Variants in RAP2A observed in about 807,000 individuals in gnomAD.
RAP2A encodes RAP2A, member of RAS oncogene family, also known as ras-related protein Rap-2a.
In RAP2A, 5 loss-of-function variants were observed where a neutral mutation model predicts 15.1. That is an observed-to-expected ratio of 0.33 (90% CI 0.17 to 0.70). The LOEUF (loss-of-function observed/expected upper bound fraction) is 0.70. Ranked by LOEUF, RAP2A falls within the 30% of genes least tolerant of loss-of-function variation. The probability of loss-of-function intolerance (pLI) is 0.68; values close to 1 mark genes in which losing one functional copy is unlikely to be tolerated. For missense variants in RAP2A, 111 were observed against 240.3 expected, an observed-to-expected ratio of 0.46 and a Z score of 3.56; for synonymous variants, 110 against 99.7, an observed-to-expected ratio of 1.10 and a Z score of -0.62.
intron 1 of RAP2A, 52 bp downstream of exon 1, chr13:97,434,836 C>A: frequency 6.3e-7 from 1 of 1,598,230 alleles, no homozygotes; most frequent in Non-Finnish European, 8.5e-7. Flanking sequence ...GTCACCGTCC[C>A]GGGGCTGGAA....
chr13:97,438,007 GACCAACTGA>G (rs1376442776), intron 1 of RAP2A, among the ~76,000 whole-genome samples: 1 of 152,172 alleles, frequency 6.6e-6, no homozygotes, highest in Non-Finnish European at 1.5e-5. Flanking sequence ...AAGCCAAGTG[GACCAACTGA>G]AAATGGCTAT....
rs2066777383 is a variant in RAP2A, at chr13:97,467,543, C to G, written c.*3101C>G. On this transcript the variant is annotated 3_prime_UTR_variant, in exon 2 of 2. Coordinates refer to ENST00000245304, the MANE Select transcript of RAP2A (RefSeq NM_021033.7). Reference sequence around the variant, plus strand: ...CAGTGTATGTATGAATATGAAAGTGCTTTGTTTTGTTTGTTGCTGTTTTTT... The same window carrying G: ...CAGTGTATGTATGAATATGAAAGTGGTTTGTTTTGTTTGTTGCTGTTTTTT... 6.6e-6 allele frequency: 1 copy of G among 152,434 alleles called. No individual in the cohort carries two copies. 9.4% of individuals were successfully genotyped at this position (152,434 alleles called of 1,614,324 possible). A position where few individuals can be genotyped will look rare whatever the true frequency, so the allele number is the denominator to read the frequency against.
chr13:97,464,683 C>T lies in RAP2A; in HGVS notation c.*241C>T, dbSNP rs145959416. ...TGCATCTGCAACTTTAAGGCATAGT[C>T]CATCGATCTACAGGGTGATCTCATT... On this transcript the variant is annotated 3_prime_UTR_variant, in exon 2 of 2. Coordinates refer to ENST00000245304, the MANE Select transcript of RAP2A (RefSeq NM_021033.7). The T allele has an allele frequency of 3.7e-6, 2 of 536,848 alleles. No individual in the cohort carries two copies. The highest frequency in any genetic ancestry group is 6.6e-6 in the Non-Finnish European group (2 of 301,064). 33.3% of individuals were successfully genotyped at this position (536,848 alleles called of 1,614,324 possible). A position where few individuals can be genotyped will look rare whatever the true frequency, so the allele number is the denominator to read the frequency against.
chr13:97,457,998 T>A (rs1233273948), intron 1 of RAP2A, among the ~76,000 whole-genome samples: 8 of 152,160 alleles, frequency 5.3e-5, no homozygotes, highest in Admixed American at 5.2e-4. Flanking sequence ...AAGTAAACTT[T>A]TAAACTGTGA....
At position 97,461,819 on chromosome 13, in the gene RAP2A, C is replaced by A. The variant is rs2066747033; in HGVS notation, c.315-2386C>A. Reference sequence around the variant, plus strand: ...TCTACTAAATATACAAAAAATTAGTCGGGCGTGGTGGTGGGCGCCTGTAGT... The same window carrying A: ...TCTACTAAATATACAAAAAATTAGTAGGGCGTGGTGGTGGGCGCCTGTAGT... On this transcript the variant is annotated intron_variant, in intron 1 of 1. Coordinates refer to ENST00000245304, the MANE Select transcript of RAP2A (RefSeq NM_021033.7). 2.0e-5 allele frequency among the ~76,000 whole-genome samples: 3 copies of A among 151,234 alleles called. No homozygotes were observed. The South Asian group carries it at 6.3e-4, about 32-fold the overall frequency.
Position 97,455,201 on chromosome 13 carries a change from G to A in RAP2A, c.315-9004G>A, listed in dbSNP as rs765948227. Among the ~76,000 whole-genome samples the A allele has an allele frequency of 4.6e-5, 7 of 151,214 alleles. 1 individual carries two copies. Among genetic ancestry groups the A allele is most frequent in the Admixed American group, 6.6e-5 (1 of 15,188 alleles). ...TTTGTCATGTACAGTCTTCTCATCC[G>A]TGAATGTTTTATCTCAGATATTACA... is the stretch of plus-strand genomic sequence containing the variant. On this transcript the variant is annotated intron_variant, in intron 1 of 1. Coordinates refer to ENST00000245304, the MANE Select transcript of RAP2A (RefSeq NM_021033.7).
chr13:97,440,085 G>A (rs924182377), intron 1 of RAP2A, among the ~76,000 whole-genome samples: 1 of 152,058 alleles, frequency 6.6e-6, no homozygotes, highest in Admixed American at 6.6e-5. Flanking sequence ...GAGCCGAAAC[G>A]AGAGTATACA....
In RAP2A at chr13:97,461,275, G is replaced by A. The variant is rs539616147; in HGVS notation, c.315-2930G>A. Among the ~76,000 whole-genome samples the A allele has an allele frequency of 3.3e-5, 5 of 152,254 alleles. No homozygotes were observed. The East Asian group carries it at 9.6e-4, about 29-fold the overall frequency. On this transcript the variant is annotated intron_variant, in intron 1 of 1. Coordinates refer to ENST00000245304, the MANE Select transcript of RAP2A (RefSeq NM_021033.7). ...TAACAGAGAGACAAAATTTATCACC[G>A]TCTGGTATTCTGAAATGTACATAAT...
rs986154945 is a variant in RAP2A at position 97,468,122 on chromosome 13, A to G, written c.*3680A>G. 2 of 152,348 alleles carry G rather than the reference A, an allele frequency of 1.3e-5. No individual in the cohort carries two copies. The highest frequency in any genetic ancestry group is 1.3e-4 in the Admixed American group (2 of 15,298). The allele number at this position is 152,348 out of a possible 1,614,324, so 9.4% of individuals were successfully genotyped here. ...ATTTTAGCTGATTTGAGAGTTCATC[A>G]TATAAAAAGGCAGGTAGGTAGATAA... On this transcript the variant is annotated 3_prime_UTR_variant, in exon 2 of 2. Coordinates refer to ENST00000245304, the MANE Select transcript of RAP2A (RefSeq NM_021033.7).
chr13:97,434,795 G>C lies in RAP2A; in HGVS notation c.314+11G>C. On this transcript the variant is annotated intron_variant, in intron 1 of 1. Transcript: ENST00000245304. ...CATCCGCGTGAAGCGGTGAGCGAGG[G>C]CACACGGGGGCTTGGCGGCTGCACC... is the stretch of plus-strand genomic sequence containing the variant. 1 of 1,613,006 alleles carries C rather than the reference G, an allele frequency of 6.2e-7. No individual in the cohort carries two copies. The highest frequency in any genetic ancestry group is 8.5e-7 in the Non-Finnish European group (1 of 1,179,484).
chr13:97,441,778 TA>T, intron 1 of RAP2A: 1 of 451,498 alleles, frequency 2.2e-6, no homozygotes, highest in Non-Finnish European at 4.4e-6. Flanking sequence ...GCCTATGTTG[TA>T]AAAAGAGTTT....
chr13:97,460,872 G>T (rs2066743638), intron 1 of RAP2A, among the ~76,000 whole-genome samples: 1 of 152,110 alleles, frequency 6.6e-6, no homozygotes. Context: ...CTGCTTTGTT[G>T]TTTTTGACTC....
rs748364942 is a variant in RAP2A at position 97,459,245 on chromosome 13, CAAATGATGAAAAGGGGGTAAGGAAG to C, written c.315-4942_315-4918del. Among the ~76,000 whole-genome samples the C allele has an allele frequency of 3.7e-4, 56 of 150,468 alleles. No individual in the cohort carries two copies. The East Asian group carries it at 6.5e-3, about 17-fold the overall frequency. ...AATTTTGCATCTTTAGCTTTATGTC[CAAATGATGAAAAGGGGGTAAGGAAG>C]AAATGATGAAAAGGGGGAAATGATG... is the stretch of plus-strand genomic sequence containing the variant. On this transcript the variant is annotated intron_variant, in intron 1 of 1. Transcript: ENST00000245304.
At chr13:97,443,805 G>A (rs940156688) in intron 1 of RAP2A, among the ~76,000 whole-genome samples, 6 of 152,096 alleles carry the variant, frequency 3.9e-5, no homozygotes, top group Admixed American at 2.0e-4. Flanking sequence ...TGAAGACAGC[G>A]AATGTTAATC....
chr13:97,461,971 A>AATAT (rs889537682), intron 1 of RAP2A, among the ~76,000 whole-genome samples: 85 of 142,052 alleles, frequency 6.0e-4, no homozygotes, highest in African/African-American at 2.0e-3. Context: ...TCAAAAAAAA[A>AATAT]ATATATATAT....
chr13:97,449,364 G>A (rs1476768293), intron 1 of RAP2A, among the ~76,000 whole-genome samples: 1 of 152,190 alleles, frequency 6.6e-6, no homozygotes, highest in Non-Finnish European at 1.5e-5. Context: ...TCTTAGGTAT[G>A]AGTTACTTTG....
At chr13:97,445,599 G>A (rs895184946) in intron 1 of RAP2A, among the ~76,000 whole-genome samples, 3 of 152,166 alleles carry the variant, frequency 2.0e-5, no homozygotes, top group Non-Finnish European at 4.4e-5. Flanking sequence ...GTTCTTGCTG[G>A]ATGGTCAACT....
At chr13:97,452,162 GGTTA>G (rs2066704641) in intron 1 of RAP2A, among the ~76,000 whole-genome samples, 1 of 150,978 alleles carries the variant, frequency 6.6e-6, no homozygotes, top group Admixed American at 6.6e-5. Context: ...TTCTTTTTAT[GGTTA>G]GTTCCTTTTT....
intron 1 of RAP2A, among the ~76,000 whole-genome samples, chr13:97,440,028 C>T (rs2066650481): frequency 6.6e-6 from 1 of 152,056 alleles, no homozygotes; most frequent in East Asian, 1.9e-4. Context: ...AAGCATATTA[C>T]CAATTGTTAC....
Sources: gnomAD v4.1 joint callset for allele counts (sites outside exome capture counted in the v4.1 genomes callset) on GRCh38, gnomAD v4.1.1 for gene constraint, MANE v1.5 for transcripts, NCBI Gene and HGNC (gene_info 2026-07-23, HGNC 2026-07-21) for gene names.